PEBP4: variants seen among roughly 807,000 people sequenced by gnomAD.
The protein encoded by PEBP4 is phosphatidylethanolamine binding protein 4, also known as phosphatidylethanolamine-binding protein 4.
A neutral mutation model predicts 23.9 loss-of-function variants in PEBP4; 22 were observed. That is an observed-to-expected ratio of 0.92 (90% CI 0.66 to 1.31). The LOEUF (loss-of-function observed/expected upper bound fraction) is 1.31. Among genes scored for constraint, PEBP4 ranks in the 40% most tolerant of loss-of-function variants. PEBP4 has a pLI of 0.00. For synonymous variants in PEBP4, 112 were observed against 99.3 expected (o/e 1.13, Z -0.76); for missense variants, 324 against 281.7 (o/e 1.15, Z -1.07).
chr8:22,834,300 C>T (rs758940488), intron 3 of PEBP4, among the ~76,000 whole-genome samples: 3 of 152,200 alleles, frequency 2.0e-5, no homozygotes, highest in Non-Finnish European at 4.4e-5. Flanking sequence ...AGCTGCTCTT[C>T]GCCAGGGCTG....
intron 3 of PEBP4, 122 bp downstream of exon 3, chr8:22,920,062 C>T (rs1370982237): frequency 8.2e-7 from 1 of 1,219,618 alleles, no homozygotes; most frequent in Non-Finnish European, 1.1e-6. Flanking sequence ...CAGCCATCTG[C>T]AGCCACCAGA....
chr8:22,734,535 C>A (rs1336797196), intron 4 of PEBP4, among the ~76,000 whole-genome samples: 1 of 152,186 alleles, frequency 6.6e-6, no homozygotes, highest in Admixed American at 6.5e-5. Context: ...GTGGGGACAG[C>A]TTGGTGAATA....
chr8:22,758,011 C>T (rs1805428152), intron 4 of PEBP4: 1 of 152,168 alleles, frequency 6.6e-6, no homozygotes, highest in African/African-American at 2.4e-5. Context: ...TCACCAGGGG[C>T]CCCTAAGTTA....
chr8:22,931,958 T>G (rs575189051), upstream of PEBP4, among the ~76,000 whole-genome samples: 2 of 152,344 alleles, frequency 1.3e-5, no homozygotes, highest in African/African-American at 4.8e-5. Context: ...TCTTCGCCCT[T>G]ATCTTCGCAT....
intron 4 of PEBP4, among the ~76,000 whole-genome samples, chr8:22,765,109 C>T (rs1218606954): frequency 2.1e-5 from 3 of 145,274 alleles, no homozygotes; most frequent in East Asian, 2.1e-4. Context: ...TTCTTCCTTC[C>T]TTTATTTCTT....
In PEBP4 at chr8:22,834,671, AGGGAG is replaced by A. The variant is rs563063198; in HGVS notation, c.259-16941_259-16937del. On this transcript the variant is annotated intron_variant, in intron 3 of 6. Coordinates refer to ENST00000256404, the MANE Select transcript of PEBP4 (RefSeq NM_144962.3). ...CCAGAATATGTAGGAGAAAATCCCT[AGGGAG>A]GGATCTCTTCTGGAATAAAAGGCAA... 2.7e-3 allele frequency among the ~76,000 whole-genome samples: 413 copies of A among 152,320 alleles called. 2 individuals are homozygous for A. Among genetic ancestry groups the A allele is most frequent in the Non-Finnish European group, 3.6e-3 (244 of 68,014 alleles).
intron 3 of PEBP4, among the ~76,000 whole-genome samples, chr8:22,882,508 C>G (rs55782859): frequency 0.016 from 2,412 of 152,138 alleles, 36 homozygotes; most frequent in Non-Finnish European, 0.024. Context: ...GCTACCATGC[C>G]CTATTTTGAT....
At chr8:22,857,929 T>C (rs1029862186) in intron 3 of PEBP4, among the ~76,000 whole-genome samples, 1 of 152,208 alleles carries the variant, frequency 6.6e-6, no homozygotes, top group East Asian at 1.9e-4. Context: ...CTGACTTACA[T>C]GCCCCTGGTG....
At chr8:22,780,257 G>A (rs1016382645) in intron 4 of PEBP4, among the ~76,000 whole-genome samples, 3 of 152,096 alleles carry the variant, frequency 2.0e-5, no homozygotes, top group Admixed American at 6.5e-5. Context: ...AACCATCATC[G>A]TGCCTGGCCC....
intron 6 of PEBP4, among the ~76,000 whole-genome samples, chr8:22,717,465 C>T (rs1804438395): frequency 7.9e-6 from 1 of 127,028 alleles, no homozygotes; most frequent in Non-Finnish European, 1.7e-5. Context: ...TATTTCCATC[C>T]TGATGTACTT....
At chr8:22,782,319 G>C (rs931724141) in intron 4 of PEBP4, among the ~76,000 whole-genome samples, 1 of 152,228 alleles carries the variant, frequency 6.6e-6, no homozygotes, top group Non-Finnish European at 1.5e-5. Flanking sequence ...AAACAGAGTA[G>C]TGCAAACTCA....
intron 6 of PEBP4, among the ~76,000 whole-genome samples, chr8:22,718,739 G>T (rs896393111): frequency 6.6e-6 from 1 of 152,172 alleles, no homozygotes. Flanking sequence ...AGGTCACGAG[G>T]GTGGGCTGAG....
chr8:22,833,569 T>C (rs1807133210), intron 3 of PEBP4, among the ~76,000 whole-genome samples: 1 of 152,158 alleles, frequency 6.6e-6, no homozygotes, highest in Admixed American at 6.5e-5. Context: ...TGACCTCAAG[T>C]GATTTGCCTG....
At position 22,728,559 on chromosome 8, in the gene PEBP4, T is replaced by TCTTTCTTCCTTCCTTCCTTC. The variant is rs1462225042; in HGVS notation, c.358-1340_358-1339insGAAGGAAGGAAGGAAGAAAG. On this transcript the variant is annotated intron_variant, in intron 4 of 6. Transcript: ENST00000256404. ...TTCTTCCTTCCTTTCTTTCTTTCTT[T>TCTTTCTTCCTTCCTTCCTTC]CTTCCTTCCTTCCTTCCTTCCTTCC... Among the ~76,000 whole-genome samples, 150 of 96,322 alleles carry TCTTTCTTCCTTCCTTCCTTC rather than the reference T, an allele frequency of 1.6e-3. 1 individual carries two copies. Among genetic ancestry groups the TCTTTCTTCCTTCCTTCCTTC allele is most frequent in the African/African-American group, 4.2e-3 (91 of 21,728 alleles). The allele number at this position is 96,322 out of a possible 152,430, so 63.2% of individuals were successfully genotyped here.
intron 6 of PEBP4, among the ~76,000 whole-genome samples, chr8:22,716,603 G>A (rs554202875): frequency 1.3e-5 from 2 of 152,234 alleles, no homozygotes; most frequent in African/African-American, 4.8e-5. Context: ...TCCACCCCAA[G>A]CTTCCCAAAT....
intron 3 of PEBP4, chr8:22,886,787 C>A (rs1808386778): frequency 6.6e-6 from 1 of 152,522 alleles, no homozygotes; most frequent in Non-Finnish European, 1.5e-5. Flanking sequence ...GCACTGGGCA[C>A]ATTGCCCAGA....
At chr8:22,788,541 G>A (rs776500502) in intron 4 of PEBP4, among the ~76,000 whole-genome samples, 7 of 152,130 alleles carry the variant, frequency 4.6e-5, no homozygotes, top group South Asian at 2.1e-4. Flanking sequence ...GGAGTACCCA[G>A]GACAAATACC....
chr8:22,780,631 T>C (rs1216543629), intron 4 of PEBP4, among the ~76,000 whole-genome samples: 1 of 152,126 alleles, frequency 6.6e-6, no homozygotes, highest in African/African-American at 2.4e-5. Context: ...ATGGAAGTTA[T>C]AAGGCCTGAA....
At chr8:22,929,138 G>C (rs1161246972), upstream of PEBP4, among the ~76,000 whole-genome samples, 1 of 152,208 alleles carries the variant, frequency 6.6e-6, no homozygotes, top group African/African-American at 2.4e-5. Flanking sequence ...CCTCAGTAAG[G>C]TGCCTGGCAC....
Sources: allele counts gnomAD v4.1 joint callset (sites outside exome capture counted in the v4.1 genomes callset), GRCh38; gene constraint gnomAD v4.1.1; transcripts MANE v1.5; gene names NCBI Gene and HGNC (gene_info 2026-07-23, HGNC 2026-07-21).